Variants in NFIX observed in about 807,000 individuals in gnomAD.
NFIX encodes nuclear factor I X.
Under a neutral mutation model 53.3 loss-of-function variants are expected in NFIX, and 2 were observed. The observed-to-expected ratio is 0.04, with a 90% confidence interval of 0.02 to 0.12. The LOEUF (loss-of-function observed/expected upper bound fraction) is 0.12. Among genes scored for constraint, NFIX ranks in the 10% least tolerant of loss-of-function variants. NFIX has a pLI of 1.00. For missense variants in NFIX, 310 were observed against 674.5 expected (o/e 0.46, Z 5.99); for synonymous variants, 244 against 289.0 (o/e 0.84, Z 1.58).
chr19:13,052,442 G>C lies in NFIX; in HGVS notation c.560-20605G>C, dbSNP rs956387848. On this transcript the variant is annotated intron_variant, in intron 2 of 10. Coordinates refer to ENST00000592199, the MANE Select transcript of NFIX (RefSeq NM_001365902.3). The surrounding 1 kb of genome is among the most constrained non-coding windows in gnomAD (Gnocchi z 5.2). ...TCAGAACACAGGTGGGTCACCTGAG[G>C]ATGTCCTGGTGACGATGCAGGAGCT... Among the ~76,000 whole-genome samples the C allele has an allele frequency of 1.3e-5, 2 of 152,186 alleles. No individual in the cohort carries two copies. The highest frequency in any genetic ancestry group is 4.8e-5 in the African/African-American group (2 of 41,450).
At chr19:13,075,266 T>TCC (rs1311520228) in intron 5 of NFIX, among the ~76,000 whole-genome samples, 2 of 152,072 alleles carry the variant, frequency 1.3e-5, no homozygotes, top group East Asian at 3.9e-4. Context: ...TTTTGCCGAC[T>TCC]TCTCTGATGT....
At chr19:13,019,352 C>T (rs2145174136) in intron 1 of NFIX, among the ~76,000 whole-genome samples, 1 of 152,260 alleles carries the variant, frequency 6.6e-6, no homozygotes, top group South Asian at 2.1e-4. Context: ...GCTCAGTGGA[C>T]AGGTCTGTTG....
Position 13,094,664 on chromosome 19 carries a change from G to C in NFIX, c.*15G>C, listed in dbSNP as rs1377023196. The stretch of plus-strand genomic sequence containing the variant: ...GGTTCCTCTGATAAGATCGACAAAA[G>C]AAACAACAAAATGAGAAGAAGAGGT... On this transcript the variant is annotated 3_prime_UTR_variant, in exon 11 of 11. Transcript: ENST00000592199. The surrounding 1 kb of genome is among the most constrained non-coding windows in gnomAD (Gnocchi z 4.3). 3.9e-6 allele frequency: 6 copies of C among 1,535,730 alleles called. No individual in the cohort carries two copies. Among genetic ancestry groups the C allele is most frequent in the Admixed American group, 2.0e-5 (1 of 50,930 alleles).
rs972653814 is a variant in NFIX at position 13,002,783 on chromosome 19, C to T, written c.27+6919C>T. Among the ~76,000 whole-genome samples, 4 of 152,196 alleles carry T rather than the reference C, an allele frequency of 2.6e-5. No individual in the cohort carries two copies. Among genetic ancestry groups the T allele is most frequent in the Non-Finnish European group, 5.9e-5 (4 of 68,010 alleles). On this transcript the variant is annotated intron_variant, in intron 1 of 10. Coordinates refer to ENST00000592199, the MANE Select transcript of NFIX (RefSeq NM_001365902.3). The surrounding 1 kb of genome is among the most constrained non-coding windows in gnomAD (Gnocchi z 6.1). ...GGGTTGCACTGGGGAGCTCTCCCCC[C>T]ACTGGGCCCCACCCTGAGGGGAGCC...
rs1157966190 is a variant in NFIX at position 13,087,774 on chromosome 19, CAAAAAAAAAAAAAAA to C, written c.1255-205_1255-191del. On this transcript the variant is annotated intron_variant, in intron 8 of 10. Coordinates refer to ENST00000592199, the MANE Select transcript of NFIX (RefSeq NM_001365902.3). ...CCCTCCCACAACTTCAAAAGAGGAC[CAAAAAAAAAAAAAAA>C]AAAAAAAAAGAGAAACACCTGAGAG... Among the ~76,000 whole-genome samples the C allele has an allele frequency of 1.5e-4, 4 of 26,392 alleles. No homozygotes were observed. The Admixed American group carries it at 2.4e-3, about 16-fold the overall frequency. The allele number at this position is 26,392 out of a possible 152,430, so 17.3% of individuals were successfully genotyped here. A position where few individuals can be genotyped will look rare whatever the true frequency, so the allele number is the denominator to read the frequency against.
chr19:12,998,280 G>A lies in NFIX; in HGVS notation c.27+2416G>A, dbSNP rs375370910. ...CTGCTCCCCCCTCCACTGGCGTCTC[G>A]GACTCTCTCTCTCTCTGTCTCTCTG... On this transcript the variant is annotated intron_variant, in intron 1 of 10. Coordinates refer to ENST00000592199, the MANE Select transcript of NFIX (RefSeq NM_001365902.3). The surrounding 1 kb of genome is among the most constrained non-coding windows in gnomAD (Gnocchi z 4.4). Among the ~76,000 whole-genome samples the A allele has an allele frequency of 6.7e-6, 1 of 149,904 alleles. No homozygotes were observed. Among genetic ancestry groups the A allele is most frequent in the East Asian group, 2.0e-4 (1 of 5,076 alleles).
chr19:13,036,586 CCAGCCGAGTG>C lies in NFIX; in HGVS notation c.559+11040_559+11049del, dbSNP rs904157684. Among the ~76,000 whole-genome samples, 4 of 152,132 alleles carry C rather than the reference CCAGCCGAGTG, an allele frequency of 2.6e-5. No individual in the cohort carries two copies. Among genetic ancestry groups the C allele is most frequent in the African/African-American group, 7.2e-5 (3 of 41,424 alleles). On this transcript the variant is annotated intron_variant, in intron 2 of 10. Coordinates refer to ENST00000592199, the MANE Select transcript of NFIX (RefSeq NM_001365902.3). This position sits in a 1 kb window ranked among gnomAD's most constrained non-coding sequence, Gnocchi z 4.7. ...ATCCCCGGAGGCGACCTGCAGGAGG[CCAGCCGAGTG>C]CAGCCCTTGGGGAGTGTGTCCTTAT...
In NFIX at chr19:13,049,579, CAAGT is replaced by C. The variant is rs2057469332; in HGVS notation, c.560-23467_560-23464del. Among the ~76,000 whole-genome samples the C allele has an allele frequency of 7.1e-6, 1 of 140,042 alleles. No individual in the cohort carries two copies. The highest frequency in any genetic ancestry group is 2.7e-5 in the African/African-American group (1 of 37,554). The allele number at this position is 140,042 out of a possible 152,430, so 91.9% of individuals were successfully genotyped here. A position where few individuals can be genotyped will look rare whatever the true frequency, so the allele number is the denominator to read the frequency against. ...TCAAGGTTCCTATATGTTGTAGCAG[CAAGT>C]GTCAGTGGTTCCTTTTTTTTTTTTT... On this transcript the variant is annotated intron_variant, in intron 2 of 10. Transcript: ENST00000592199. The surrounding 1 kb of genome is among the most constrained non-coding windows in gnomAD (Gnocchi z 4.5).
chr19:13,037,318 C>G lies in NFIX; in HGVS notation c.559+11766C>G, dbSNP rs1311167963. ...ACTTCTGCACCCGGTCATATCCTCC[C>G]CAGGGCATGACCACTTCCCCTACCA... On this transcript the variant is annotated intron_variant, in intron 2 of 10. Coordinates refer to ENST00000592199, the MANE Select transcript of NFIX (RefSeq NM_001365902.3). The surrounding 1 kb of genome is among the most constrained non-coding windows in gnomAD (Gnocchi z 4.2). Among the ~76,000 whole-genome samples, 1 of 152,182 alleles carries G rather than the reference C, an allele frequency of 6.6e-6. No homozygotes were observed. The highest frequency in any genetic ancestry group is 1.5e-5 in the Non-Finnish European group (1 of 68,030).
rs1194320617 is a variant in NFIX at position 13,078,316 on chromosome 19, G to A, written c.956-297G>A. ...TTCACTTCATTACCTGCTTGCCAGG[G>A]CATAGGCTGGGGCCCTTGCTCACCC... On this transcript the variant is annotated intron_variant, in intron 6 of 10. Transcript: ENST00000592199. This position sits in a 1 kb window ranked among gnomAD's most constrained non-coding sequence, Gnocchi z 4.7. 1.3e-5 allele frequency among the ~76,000 whole-genome samples: 2 copies of A among 152,154 alleles called. No individual in the cohort carries two copies. The highest frequency in any genetic ancestry group is 2.9e-5 in the Non-Finnish European group (2 of 68,022).
chr19:13,085,399 C>T (rs1340569007), intron 8 of NFIX, among the ~76,000 whole-genome samples: 1 of 152,206 alleles, frequency 6.6e-6, no homozygotes, highest in Non-Finnish European at 1.5e-5. Context: ...CTTGGAAGGC[C>T]TCTGTGTCCC....
At position 13,088,710 on chromosome 19, in the gene NFIX, C is replaced by CT. The variant is rs74181810; in HGVS notation, c.1402+583dup. On this transcript the variant is annotated intron_variant, in intron 9 of 10. Transcript: ENST00000592199. The surrounding 1 kb of genome is among the most constrained non-coding windows in gnomAD (Gnocchi z 5.9). ...TCACATTTGGTTTCTCGTTGTTCCT[C>CT]TTTTTTTTTCCCCCCCTTCCATCCC... 6.0e-5 allele frequency among the ~76,000 whole-genome samples: 9 copies of CT among 150,752 alleles called. No individual in the cohort carries two copies. Among genetic ancestry groups the CT allele is most frequent in the East Asian group, 3.9e-4 (2 of 5,150 alleles).
intron 2 of NFIX, among the ~76,000 whole-genome samples, chr19:13,034,105 G>A (rs568203290): frequency 6.6e-6 from 1 of 152,338 alleles, no homozygotes; most frequent in South Asian, 2.1e-4. Context: ...TGAGGGCATC[G>A]CTGCTCCTTG....
rs1486752428 is a variant in NFIX, at chr19:12,995,765, C to G, written c.-73C>G. 5 of 643,486 alleles carry G rather than the reference C, an allele frequency of 7.8e-6. No individual in the cohort carries two copies. The highest frequency in any genetic ancestry group is 9.6e-6 in the Non-Finnish European group (5 of 521,950). 39.9% of individuals were successfully genotyped at this position (643,486 alleles called of 1,614,324 possible). On this transcript the variant is annotated 5_prime_UTR_variant, in exon 1 of 11. Coordinates refer to ENST00000592199, the MANE Select transcript of NFIX (RefSeq NM_001365902.3). Reference sequence around the variant, plus strand: ...GAGGAGCCGAGCCGGAGCCCGAGCCCGAGCGCGGCCGCCGCCTGCCGGGCC... The same window carrying G: ...GAGGAGCCGAGCCGGAGCCCGAGCCGGAGCGCGGCCGCCGCCTGCCGGGCC...
intron 6 of NFIX, among the ~76,000 whole-genome samples, chr19:13,077,456 G>A (rs917608126): frequency 1.3e-4 from 20 of 152,140 alleles, no homozygotes; most frequent in East Asian, 9.7e-4. Context: ...GGCACTGTGC[G>A]GCCATGGGGA....
At chr19:13,056,642 A>C (rs775848554) in intron 2 of NFIX, among the ~76,000 whole-genome samples, 4 of 152,170 alleles carry the variant, frequency 2.6e-5, no homozygotes, top group Admixed American at 6.5e-5. Context: ...CCTACACCCG[A>C]GGCCAGGGAA....
At position 13,051,857 on chromosome 19, in the gene NFIX, C is replaced by G. The variant is rs1433807198; in HGVS notation, c.560-21190C>G. Among the ~76,000 whole-genome samples, 4 of 152,286 alleles carry G rather than the reference C, an allele frequency of 2.6e-5. No individual in the cohort carries two copies. Among genetic ancestry groups the G allele is most frequent in the Admixed American group, 2.0e-4 (3 of 15,304 alleles). On this transcript the variant is annotated intron_variant, in intron 2 of 10. Transcript: ENST00000592199. This position sits in a 1 kb window ranked among gnomAD's most constrained non-coding sequence, Gnocchi z 5.1. The stretch of plus-strand genomic sequence containing the variant: ...CGCCTTAGCAGGTGCCTGGAGGGGG[C>G]GGGGCGGCTCCCGGGAGCAGCCGGG...
chr19:13,024,603 A>G (rs1216447155), intron 1 of NFIX: 1 of 1,536,190 alleles, frequency 6.5e-7, no homozygotes, highest in Admixed American at 2.0e-5. Context: ...TGCCGGGGCG[A>G]GCTGACAGGA....
intron 2 of NFIX, among the ~76,000 whole-genome samples, chr19:13,029,815 G>A (rs1211070803): frequency 6.6e-6 from 1 of 152,226 alleles, no homozygotes; most frequent in Non-Finnish European, 1.5e-5. Context: ...CGGCACTCTA[G>A]TTTAGGGTTT....
Sources: allele counts gnomAD v4.1 joint callset (sites outside exome capture counted in the v4.1 genomes callset), GRCh38; gene constraint gnomAD v4.1.1; non-coding constraint Gnocchi (gnomAD v3.1); transcripts MANE v1.5; gene names NCBI Gene and HGNC (gene_info 2026-07-23, HGNC 2026-07-21).